FAM90A1: variants seen among roughly 807,000 people sequenced by gnomAD.
The protein encoded by FAM90A1 is family with sequence similarity 90 member A1, also known as protein FAM90A1.
In FAM90A1, 10 loss-of-function variants were observed where a neutral mutation model predicts 14.8. The ratio of observed to expected loss-of-function variants is 0.67; its 90% CI spans 0.42 to 1.14. The LOEUF (loss-of-function observed/expected upper bound fraction) is 1.14. Among genes scored for constraint, FAM90A1 ranks in the 50% most tolerant of loss-of-function variants. The pLI is 0.00. For missense variants in FAM90A1, 567 were observed against 602.8 expected (o/e 0.94, Z 0.62); for synonymous variants, 236 against 248.4 (o/e 0.95, Z 0.47).
intron 1 of FAM90A1, among the ~76,000 whole-genome samples, chr12:8,227,191 A>G (rs1182153685): frequency 6.6e-6 from 1 of 152,168 alleles, no homozygotes; most frequent in East Asian, 1.9e-4. Context: ...CCCTTTCAAG[A>G]TGACTCAGTG....
At chr12:8,223,607 A>T (rs1350877333) in intron 5 of FAM90A1, 50 bp from the exon 6 acceptor site, 12 of 1,124,492 alleles carry the variant, frequency 1.1e-5, no homozygotes, top group Non-Finnish European at 1.6e-5. Flanking sequence ...TCCCCAGGAG[A>T]CGGGGAGAAC....
At position 8,226,254 on chromosome 12, in the gene FAM90A1, A is replaced by G. The variant is rs1948940879; in HGVS notation, c.-214+18T>C. On this transcript the variant is annotated intron_variant, in intron 2 of 6. Coordinates refer to ENST00000538603, the MANE Select transcript of FAM90A1 (RefSeq NM_018088.3). Reference sequence around the variant, plus strand: ...TTTGTGTTTTGTTTTGTTTTAAAAAATGTGGTAAAATAGACACCTTTTAAT... The same window carrying G: ...TTTGTGTTTTGTTTTGTTTTAAAAAGTGTGGTAAAATAGACACCTTTTAAT... The G allele has an allele frequency of 6.6e-6, 1 of 152,254 alleles. No homozygotes were observed. Among genetic ancestry groups the G allele is most frequent in the South Asian group, 2.1e-4 (1 of 4,830 alleles). 9.4% of individuals were successfully genotyped at this position (152,254 alleles called of 1,614,324 possible). A position where few individuals can be genotyped will look rare whatever the true frequency, so the allele number is the denominator to read the frequency against.
chr12:8,226,545 G>T (rs2953221), intron 1 of FAM90A1, 67 bp from the exon 2 acceptor site: 812 of 164,168 alleles, frequency 4.9e-3, no homozygotes, highest in Non-Finnish European at 9.6e-3. Flanking sequence ...CTTTTCAGCT[G>T]GTCTTGAGAC....
chr12:8,225,679 T>A (rs1189326578), intron 3 of FAM90A1, among the ~76,000 whole-genome samples, 157 bp downstream of exon 3: 1 of 152,104 alleles, frequency 6.6e-6, no homozygotes, highest in Non-Finnish European at 1.5e-5. Context: ...ACGGAAATGC[T>A]TTCTCGTTTT....
chr12:8,225,007 T>C, intron 3 of FAM90A1, 119 bp from the exon 4 acceptor site: 1 of 694,404 alleles, frequency 1.4e-6, no homozygotes, highest in Non-Finnish European at 2.5e-6. Flanking sequence ...TCACCACCAG[T>C]CGGTCAAATC....
chr12:8,226,802 C>CTTTTT lies in FAM90A1; in HGVS notation c.-420-329_-420-325dup, dbSNP rs71042351. ...TTTTTTCTTGTTTCTTCATTGATGT[C>CTTTTT]TTTTTTTTTTTTTTTTTTTTTTTTT... is the stretch of plus-strand genomic sequence containing the variant. On this transcript the variant is annotated intron_variant, in intron 1 of 6. Transcript: ENST00000538603. Among the ~76,000 whole-genome samples, 117 of 79,796 alleles carry CTTTTT rather than the reference C, an allele frequency of 1.5e-3. 2 individuals are homozygous for CTTTTT. The highest frequency in any genetic ancestry group is 3.2e-3 in the African/African-American group (55 of 17,162). 52.3% of individuals were successfully genotyped at this position (79,796 alleles called of 152,430 possible). A position where few individuals can be genotyped will look rare whatever the true frequency, so the allele number is the denominator to read the frequency against.
In FAM90A1 at chr12:8,227,470, C is replaced by T. The variant is rs776738778; in HGVS notation, c.-421+10G>A. The T allele has an allele frequency of 8.6e-5, 53 of 613,528 alleles. No homozygotes were observed. In the African/African-American group the frequency reaches 9.1e-4, roughly 11 times the overall value. 38.0% of individuals were successfully genotyped at this position (613,528 alleles called of 1,614,324 possible). A position where few individuals can be genotyped will look rare whatever the true frequency, so the allele number is the denominator to read the frequency against. ...CCCAGTGGGCGGTCGGGTGCCAGGC[C>T]AGTGCTTACCCCGCCATGTTTTCAA... On this transcript the variant is annotated intron_variant, in intron 1 of 6. Coordinates refer to ENST00000538603, the MANE Select transcript of FAM90A1 (RefSeq NM_018088.3).
intron 1 of FAM90A1, among the ~76,000 whole-genome samples, chr12:8,227,109 T>C (rs1393980844): frequency 2.0e-5 from 3 of 152,192 alleles, no homozygotes; most frequent in Admixed American, 1.3e-4. Flanking sequence ...GGTCATGTCA[T>C]TGTTGCCTTA....
rs1350435048 is a variant in FAM90A1 at position 8,221,593 on chromosome 12, G to A, written c.*229C>T. 1.2e-5 allele frequency: 7 copies of A among 599,862 alleles called. No individual in the cohort carries two copies. Among genetic ancestry groups the A allele is most frequent in the African/African-American group, 5.6e-5 (3 of 53,338 alleles). 37.2% of individuals were successfully genotyped at this position (599,862 alleles called of 1,614,324 possible). A position where few individuals can be genotyped will look rare whatever the true frequency, so the allele number is the denominator to read the frequency against. On this transcript the variant is annotated 3_prime_UTR_variant, in exon 7 of 7. Transcript: ENST00000538603. ...CTGGCACGGAAGCTTTTCCTGGCGC[G>A]TTTCCAGAGAACCATGCGAACTACA...
chr12:8,223,314 G>C lies in FAM90A1; in HGVS notation c.432+135C>G, dbSNP rs762820078. On this transcript the variant is annotated intron_variant, in intron 6 of 6. Transcript: ENST00000538603. ...GCCTGGAATCAAATTGACCTGGAAGGATCGTGGAGTGTCTGACCCCAAGAA... is the reference window on the plus strand; with the variant it reads ...GCCTGGAATCAAATTGACCTGGAAGCATCGTGGAGTGTCTGACCCCAAGAA... 16 of 631,618 alleles carry C rather than the reference G, an allele frequency of 2.5e-5. No homozygotes were observed. In the South Asian group the frequency reaches 2.9e-4, roughly 11 times the overall value. The allele number at this position is 631,618 out of a possible 1,614,324, so 39.1% of individuals were successfully genotyped here.
rs376145405 is a variant in FAM90A1 at position 8,223,061 on chromosome 12, C to T, written c.433-277G>A. On this transcript the variant is annotated intron_variant, in intron 6 of 6. Transcript: ENST00000538603. ...CTGGATCAAAGCGCCTCCACTCAGC[C>T]TTCCATGAAGTGGAACCGACTGATG... Among the ~76,000 whole-genome samples, 5 of 152,252 alleles carry T rather than the reference C, an allele frequency of 3.3e-5. No individual in the cohort carries two copies. The East Asian group carries it at 5.8e-4, about 18-fold the overall frequency.
rs1948820063 is a variant in FAM90A1 at position 8,221,508 on chromosome 12, T to C, written c.*314A>G. 8.6e-6 allele frequency: 4 copies of C among 465,526 alleles called. No individual in the cohort carries two copies. Among genetic ancestry groups the C allele is most frequent in the Admixed American group, 6.7e-5 (2 of 29,640 alleles). The allele number at this position is 465,526 out of a possible 1,614,324, so 28.8% of individuals were successfully genotyped here. On this transcript the variant is annotated 3_prime_UTR_variant, in exon 7 of 7. Transcript: ENST00000538603. ...TACACAGTAATTCCCCCGTTTCCTA[T>C]TGACGTCCCAGCGGAAGTCTGACTC...
Position 8,223,545 on chromosome 12 carries a change from C to T in FAM90A1, c.336G>A (p.Pro112=), listed in dbSNP as rs148283184. 1,265 of 1,573,890 alleles carry T rather than the reference C, an allele frequency of 8.0e-4. 2 individuals carry two copies. Among genetic ancestry groups the T allele is most frequent in the Non-Finnish European group, 9.9e-4 (1,128 of 1,144,476 alleles). The part of the protein sequence containing the change: ...EKEERPRPQD[P]QRKALLHIFS... ...ATATGTGGAGGAGAGCCTTCCTCTG[C>T]GGGTCTTGTGGCCTGCAGAACAGAA... The change falls in exon 6 of 7, where the codon CCG becomes CCA. Residue 112 remains proline (P), a synonymous_variant. Transcript: ENST00000538603.
intron 3 of FAM90A1, among the ~76,000 whole-genome samples, chr12:8,225,491 G>A (rs752304234): frequency 2.2e-4 from 33 of 152,316 alleles, no homozygotes; most frequent in South Asian, 6.2e-4. Flanking sequence ...TTTTACGCAT[G>A]CCACACGAAT....
At position 8,222,085 on chromosome 12, in the gene FAM90A1, T is replaced by C. The variant is rs745565777; in HGVS notation, c.1132A>G (p.Met378Val). 6.6e-5 allele frequency: 107 copies of C among 1,609,226 alleles called. No homozygotes were observed. The highest frequency in any genetic ancestry group is 8.7e-5 in the Non-Finnish European group (103 of 1,179,994). ...TGGCTGGCCGCTGGGTGATGGGACA[T>C]GGTGCAGGCCTGGGCAGTAGGCAGG... ...PCLPTAQACT[M>V]SHHPAASHDG... Residue 378 changes from methionine (M) to valine (V), a missense_variant, in exon 7 of 7, where the codon ATG (methionine) becomes GTG (valine). Coordinates refer to ENST00000538603, the MANE Select transcript of FAM90A1 (RefSeq NM_018088.3).
At chr12:8,223,680 T>A in intron 5 of FAM90A1, 123 bp from the exon 6 acceptor site, 1 of 725,430 alleles carries the variant, frequency 1.4e-6, no homozygotes, top group Non-Finnish European at 2.5e-6. Context: ...TGGTGCCCTT[T>A]CCGCCTCTGC....
rs761665959 is a variant in FAM90A1, at chr12:8,221,914, C to G, written c.1303G>C (p.Glu435Gln). Residue 435 changes from glutamate to glutamine, a missense_variant, in exon 7 of 7, where the codon GAG becomes CAG. Coordinates refer to ENST00000538603, the MANE Select transcript of FAM90A1 (RefSeq NM_018088.3). ...AQSPHVSEKS[E>Q]GPCVRVPPSV... Reference sequence around the variant, plus strand: ...GGTGGGACACGAACACAGGGACCCTCAGACTTCTCTGAGACATGAGGGCTC... The same window carrying G: ...GGTGGGACACGAACACAGGGACCCTGAGACTTCTCTGAGACATGAGGGCTC... 6.3e-7 allele frequency: 1 copy of G among 1,596,518 alleles called. No individual in the cohort carries two copies. The highest frequency in any genetic ancestry group is 8.5e-7 in the Non-Finnish European group (1 of 1,179,774).
At chr12:8,226,802 CTTTTTTTTT>C (rs71042351) in intron 1 of FAM90A1, among the ~76,000 whole-genome samples, 1 of 79,788 alleles carries the variant, frequency 1.3e-5, no homozygotes, top group African/African-American at 5.8e-5. Context: ...TCATTGATGT[CTTTTTTTTT>C]TTTTTTTTTT....
rs967510692 is a variant in FAM90A1, at chr12:8,221,567, A to T, written c.*255T>A. Reference sequence around the variant, plus strand: ...CATGCAGTTTCTGAGGCAACGAATCACTGGCACGGAAGCTTTTCCTGGCGC... The same window carrying T: ...CATGCAGTTTCTGAGGCAACGAATCTCTGGCACGGAAGCTTTTCCTGGCGC... On this transcript the variant is annotated 3_prime_UTR_variant, in exon 7 of 7. Transcript: ENST00000538603. 2.7e-4 allele frequency: 154 copies of T among 563,614 alleles called. No homozygotes were observed. The highest frequency in any genetic ancestry group is 4.8e-4 in the Middle Eastern group (1 of 2,086). 34.9% of individuals were successfully genotyped at this position (563,614 alleles called of 1,614,324 possible).
Sources: allele counts gnomAD v4.1 joint callset (sites outside exome capture counted in the v4.1 genomes callset), GRCh38; gene constraint gnomAD v4.1.1; transcripts MANE v1.5; gene names NCBI Gene and HGNC (gene_info 2026-07-23, HGNC 2026-07-21).